Variants in ATP12A observed in about 807,000 individuals in gnomAD.
ATP12A encodes the protein ATPase H+/K+ transporting non-gastric alpha2 subunit.
A neutral mutation model predicts 111.2 loss-of-function variants in ATP12A; 81 were observed. The ratio of observed to expected loss-of-function variants is 0.73; its 90% CI spans 0.61 to 0.88. The LOEUF is 0.88. Ranked by LOEUF, ATP12A falls within the 40% of genes least tolerant of loss-of-function variation. The pLI is 0.00. For synonymous variants in ATP12A, 498 were observed against 499.8 expected (o/e 1.00, Z 0.05); for missense variants, 1,196 against 1,313.1 (o/e 0.91, Z 1.38).
rs200821826 is a variant in ATP12A, at chr13:24,692,913, A to G, written c.1377+17A>G. ...ATCATGAAGGTAATGCTTCTGCAGC[A>G]CTTGGTCTTAAATCACAGCCAGTTT... On this transcript the variant is annotated intron_variant, in intron 10 of 22. Transcript: ENST00000381946. 2,063 of 1,606,936 alleles carry G rather than the reference A, an allele frequency of 1.3e-3. 15 individuals carry two copies. In the Middle Eastern group the frequency reaches 0.029, roughly 23 times the overall value.
intron 11 of ATP12A, among the ~76,000 whole-genome samples, chr13:24,695,026 T>C (rs1275639965): frequency 6.6e-6 from 1 of 152,178 alleles, no homozygotes; most frequent in African/African-American, 2.4e-5. Flanking sequence ...CTACGTGGCC[T>C]TGTTCCATGT....
intron 13 of ATP12A, among the ~76,000 whole-genome samples, chr13:24,701,671 GC>G (rs1875403095): frequency 6.6e-6 from 1 of 152,210 alleles, no homozygotes; most frequent in Non-Finnish European, 1.5e-5. Context: ...ACACTCACCA[GC>G]CCTTTCACAA....
chr13:24,701,534 GAAAAGAAA>G (rs1875397821), intron 13 of ATP12A, among the ~76,000 whole-genome samples: 1 of 146,882 alleles, frequency 6.8e-6, no homozygotes, highest in Non-Finnish European at 1.5e-5. Context: ...AGAAAGAAAA[GAAAAGAAA>G]AAAAGAAAGA....
chr13:24,689,566 C>A (rs1874793924), intron 5 of ATP12A, among the ~76,000 whole-genome samples, 191 bp downstream of exon 5: 1 of 152,172 alleles, frequency 6.6e-6, no homozygotes, highest in Admixed American at 6.5e-5. Flanking sequence ...GAGGCACCAC[C>A]CAGGGCAGTG....
At chr13:24,689,560 C>T (rs1593133134) in intron 5 of ATP12A, among the ~76,000 whole-genome samples, 185 bp downstream of exon 5, 2 of 152,202 alleles carry the variant, frequency 1.3e-5, no homozygotes, top group Admixed American at 1.3e-4. Context: ...TCAAATGAGG[C>T]ACCACCCAGG....
chr13:24,681,940 GGTGTGT>G (rs368873685), intron 2 of ATP12A, among the ~76,000 whole-genome samples: 1 of 135,960 alleles, frequency 7.4e-6, no homozygotes, highest in African/African-American at 2.9e-5. Flanking sequence ...TGTAGTGTGT[GGTGTGT>G]GTGTGTATGT....
At chr13:24,709,881 T>C (rs1242665386) in intron 19 of ATP12A, 53 bp downstream of exon 19, 2 of 1,602,852 alleles carry the variant, frequency 1.2e-6, no homozygotes, top group Non-Finnish European at 1.7e-6. Context: ...CCATGCTCAT[T>C]GCCCTGCGCA....
In ATP12A at chr13:24,706,386, G is replaced by A; in HGVS notation, c.2092G>A (p.Ala698Thr). ...CTCAGAACAGCTGGATGAGATCTTAGCCAACTACCAGGAGATTGTCTTTGC... is the reference window on the plus strand; with the variant it reads ...CTCAGAACAGCTGGATGAGATCTTAACCAACTACCAGGAGATTGTCTTTGC... ...MSSEQLDEIL[A>T]NYQEIVFART... is the part of the protein sequence containing the mutation. Residue 698 changes from alanine to threonine, a missense_variant, in exon 15 of 23, where the codon GCC becomes ACC. Ala to Thr is a moderately conservative substitution (Grantham distance 58). Transcript: ENST00000381946. The A allele has an allele frequency of 2.5e-6, 4 of 1,614,232 alleles. No individual in the cohort carries two copies. The highest frequency in any genetic ancestry group is 3.4e-6 in the Non-Finnish European group (4 of 1,180,050).
chr13:24,681,727 A>T lies in ATP12A; in HGVS notation c.168+7A>T. The T allele has an allele frequency of 6.2e-7, 1 of 1,614,150 alleles. No individual in the cohort carries two copies. Among genetic ancestry groups the T allele is most frequent in the Non-Finnish European group, 8.5e-7 (1 of 1,180,012 alleles). Reference sequence around the variant, plus strand: ...TCAGAAAGAACTCCATCTGGTCAGTAGCCTTAAGCCACGGGGTCCTGCCGG... The same window carrying T: ...TCAGAAAGAACTCCATCTGGTCAGTTGCCTTAAGCCACGGGGTCCTGCCGG... On this transcript the variant is annotated splice_region_variant and intron_variant, in intron 2 of 22. Transcript: ENST00000381946.
chr13:24,708,860 AAG>A (rs1183143491), intron 17 of ATP12A, among the ~76,000 whole-genome samples: 9 of 131,462 alleles, frequency 6.8e-5, no homozygotes, highest in African/African-American at 2.3e-4. Flanking sequence ...GAGAGAGGGA[AAG>A]AGAGAAAGAG....
At chr13:24,695,559 C>T (rs917501870) in intron 11 of ATP12A, among the ~76,000 whole-genome samples, 2 of 151,082 alleles carry the variant, frequency 1.3e-5, no homozygotes, top group East Asian at 1.9e-4. Flanking sequence ...TGATTATCCA[C>T]CTGTCTTAGT....
At chr13:24,680,955 G>A (rs1398079258) in intron 1 of ATP12A, among the ~76,000 whole-genome samples, 1 of 152,220 alleles carries the variant, frequency 6.6e-6, no homozygotes, top group Non-Finnish European at 1.5e-5. Context: ...TGCGGCCGCC[G>A]GGGCTGGCTG....
intron 17 of ATP12A, among the ~76,000 whole-genome samples, chr13:24,708,138 AAG>A (rs779655145): frequency 1.9e-3 from 284 of 152,316 alleles, no homozygotes; most frequent in Non-Finnish European, 3.5e-3. Context: ...CTTGTTAAGT[AAG>A]AGAGTCTGAC....
At chr13:24,690,287 G>A in intron 5 of ATP12A, 51 bp from the exon 6 acceptor site, 1 of 1,600,710 alleles carries the variant, frequency 6.2e-7, no homozygotes. Flanking sequence ...CTTGGGGGAG[G>A]GCCGGTGTCC....
At chr13:24,710,261 A>G (rs1875904022) in intron 19 of ATP12A, among the ~76,000 whole-genome samples, 199 bp from the exon 20 acceptor site, 2 of 152,162 alleles carry the variant, frequency 1.3e-5, no homozygotes, top group Admixed American at 6.5e-5. Context: ...TAGTAATGAT[A>G]ATTTTTTAAA....
In ATP12A at chr13:24,690,994, G is replaced by A; in HGVS notation, c.812G>A (p.Gly271Asp). ...ACTTCCCCTGTAGGCACTGTCACCG[G>A]CATGGTTATCAACACGGGTGACCGC... ...STTCLEGTVT[G>D]MVINTGDRTI... Residue 271 changes from glycine to aspartate, a missense_variant, in exon 8 of 23, where the codon GGC becomes GAC. Physicochemically the swap from Gly to Asp is moderately conservative, Grantham distance 94 (BLOSUM62 -1). This residue lies in a region of ATP12A where 1,126 missense variants were observed against 1,228.5 expected (regional missense o/e 0.92). Coordinates refer to ENST00000381946, the MANE Select transcript of ATP12A (RefSeq NM_001676.7). 2 of 1,614,142 alleles carry A rather than the reference G, an allele frequency of 1.2e-6. No homozygotes were observed. The highest frequency in any genetic ancestry group is 1.7e-6 in the Non-Finnish European group (2 of 1,180,006).
At chr13:24,697,695 T>C (rs1024770728) in intron 11 of ATP12A, among the ~76,000 whole-genome samples, 10 of 120,678 alleles carry the variant, frequency 8.3e-5, no homozygotes, top group Non-Finnish European at 1.5e-4. Flanking sequence ...AGAAAAGGCC[T>C]ATATTTTAGA....
At chr13:24,709,954 G>A in intron 19 of ATP12A, 126 bp downstream of exon 19, 1 of 1,391,826 alleles carries the variant, frequency 7.2e-7, no homozygotes, top group Admixed American at 2.1e-5. Flanking sequence ...TAGGGCTCAG[G>A]GCCCCCTTGC....
In ATP12A at chr13:24,691,316, G is replaced by T; in HGVS notation, c.1068+66G>T. ...GACACAGCACTGGTGCTGGGGAGGC[G>T]CCCACACAAACTGCAATCTCCCCCA... On this transcript the variant is annotated intron_variant, in intron 8 of 22. Transcript: ENST00000381946. The T allele has an allele frequency of 2.0e-6, 3 of 1,518,442 alleles. No individual in the cohort carries two copies. The Admixed American group carries it at 5.9e-5, about 30-fold the overall frequency. The allele number at this position is 1,518,442 out of a possible 1,614,324, so 94.1% of individuals were successfully genotyped here.
Sources: gnomAD v4.1 joint callset for allele counts (sites outside exome capture counted in the v4.1 genomes callset) on GRCh38, gnomAD v4.1.1 for gene constraint, gnomAD v4.1.1 regional missense constraint, MANE v1.5 for transcripts, NCBI Gene and HGNC (gene_info 2026-07-23, HGNC 2026-07-21) for gene names.